ZNF804B: variants seen among roughly 807,000 people sequenced by gnomAD.
The protein encoded by ZNF804B is zinc finger protein 804B, also known as zinc finger 804B.
A neutral mutation model predicts 101.4 loss-of-function variants in ZNF804B; 80 were observed. That is an observed-to-expected ratio of 0.79 (90% confidence interval 0.66 to 0.95). ZNF804B has a LOEUF of 0.95. Among genes scored for constraint, ZNF804B ranks in the 40% least tolerant of loss-of-function variants. ZNF804B has a pLI of 0.00. For synonymous variants in ZNF804B, 622 were observed against 558.8 expected (o/e 1.11, Z -1.59); for missense variants, 1,673 against 1,561.9 (o/e 1.07, Z -1.20).
chr7:88,912,883 C>A (rs1332804459), intron 1 of ZNF804B, among the ~76,000 whole-genome samples: 1 of 151,888 alleles, frequency 6.6e-6, no homozygotes, highest in Non-Finnish European at 1.5e-5. Flanking sequence ...TTAAATAAAT[C>A]AAAAATTCTA....
chr7:89,336,693 T>A lies in ZNF804B; in HGVS notation c.3711T>A (p.Pro1237=). 1 of 1,614,092 alleles carries A rather than the reference T, an allele frequency of 6.2e-7. No individual in the cohort carries two copies. The highest frequency in any genetic ancestry group is 1.3e-5 in the African/African-American group (1 of 75,022). Residue 1237 remains proline (P), a synonymous_variant, in exon 4 of 4, where the codon CCT becomes CCA. Transcript: ENST00000333190. ...SSHLPIAHLH[P]LSQAHFSPIS... is the part of the protein sequence containing the mutation. ...ACCTCCCTATTGCTCATCTACATCC[T>A]CTTTCACAGGCACATTTCAGTCCTA...
Position 88,994,347 on chromosome 7 carries a change from C to T in ZNF804B, c.109-223808C>T, listed in dbSNP as rs561662471. On this transcript the variant is annotated intron_variant, in intron 1 of 3. Transcript: ENST00000333190. ...ATTTTTGCAAAAGCTCTTTTGTACT[C>T]ATTAAACATGCAAAGATGATGGATA... Among the ~76,000 whole-genome samples, 4 of 152,076 alleles carry T rather than the reference C, an allele frequency of 2.6e-5. No individual in the cohort carries two copies. The South Asian group carries it at 8.3e-4, about 32-fold the overall frequency.
chr7:89,235,124 C>G (rs1280565080), intron 2 of ZNF804B, among the ~76,000 whole-genome samples: 7 of 151,990 alleles, frequency 4.6e-5, no homozygotes, highest in Non-Finnish European at 1.0e-4. Context: ...TTTTTATTCT[C>G]TATGAGAGCA....
intron 1 of ZNF804B, among the ~76,000 whole-genome samples, chr7:88,994,987 A>C (rs918816184): frequency 1.3e-5 from 2 of 152,058 alleles, no homozygotes; most frequent in Non-Finnish European, 2.9e-5. Flanking sequence ...TCTGGGCTAG[A>C]TTGTTTGATT....
chr7:88,818,557 T>A (rs115689437), intron 1 of ZNF804B, among the ~76,000 whole-genome samples: 4,075 of 152,246 alleles, frequency 0.027, 158 homozygotes, highest in African/African-American at 0.08. Context: ...AAATATTTTG[T>A]ATCATGGGGA....
chr7:89,031,765 T>A (rs1241452553), intron 1 of ZNF804B, among the ~76,000 whole-genome samples: 1 of 151,978 alleles, frequency 6.6e-6, no homozygotes, highest in Non-Finnish European at 1.5e-5. Context: ...TGAGACACTC[T>A]CTTAAAATAG....
chr7:89,030,819 A>G (rs1345063699), intron 1 of ZNF804B, among the ~76,000 whole-genome samples: 2 of 152,110 alleles, frequency 1.3e-5, no homozygotes, highest in Non-Finnish European at 2.9e-5. Context: ...TTGACCCTCC[A>G]GTTTTAATGA....
intron 1 of ZNF804B, among the ~76,000 whole-genome samples, chr7:89,091,131 A>G (rs771458374): frequency 6.6e-5 from 10 of 152,258 alleles, no homozygotes; most frequent in South Asian, 4.1e-4. Context: ...TCATTGAATA[A>G]TATGAAAGAT....
chr7:88,816,489 A>G lies in ZNF804B; in HGVS notation c.108+56405A>G, dbSNP rs576984577. Among the ~76,000 whole-genome samples, 16 of 152,316 alleles carry G rather than the reference A, an allele frequency of 1.1e-4. No individual in the cohort carries two copies. In the South Asian group the frequency reaches 2.3e-3, roughly 22 times the overall value. ...CATTTTTGCAATCTACTCATCTGAC[A>G]AAAGGCTAATATCCAGAATCTACGA... On this transcript the variant is annotated intron_variant, in intron 1 of 3. Coordinates refer to ENST00000333190, the MANE Select transcript of ZNF804B (RefSeq NM_181646.5).
intron 2 of ZNF804B, among the ~76,000 whole-genome samples, chr7:89,220,162 C>CACACACATATATAT (rs1219530870): frequency 7.7e-6 from 1 of 129,338 alleles, no homozygotes; most frequent in African/African-American, 3.1e-5. Flanking sequence ...TATATATATA[C>CACACACATATATAT]GCACATATAT....
chr7:89,247,442 C>T (rs574555657), intron 2 of ZNF804B, among the ~76,000 whole-genome samples: 1 of 152,264 alleles, frequency 6.6e-6, no homozygotes, highest in Non-Finnish European at 1.5e-5. Context: ...TAGGTCCAAC[C>T]ACAGAGCCCA....
intron 1 of ZNF804B, among the ~76,000 whole-genome samples, chr7:89,011,310 G>A (rs755518276): frequency 2.6e-5 from 4 of 152,142 alleles, no homozygotes; most frequent in East Asian, 1.9e-4. Context: ...TGAGGTTTGG[G>A]TGGGGACACA....
chr7:88,878,546 G>A (rs940757309), intron 1 of ZNF804B, among the ~76,000 whole-genome samples: 6 of 152,130 alleles, frequency 3.9e-5, no homozygotes, highest in African/African-American at 1.2e-4. Flanking sequence ...GCTTAGAAGA[G>A]TGTCTGGCAT....
At chr7:88,817,812 T>A (rs2115751307) in intron 1 of ZNF804B, among the ~76,000 whole-genome samples, 1 of 152,326 alleles carries the variant, frequency 6.6e-6, no homozygotes, top group South Asian at 2.1e-4. Context: ...ATCCTGTATC[T>A]TACAATTTCC....
chr7:88,772,175 T>C (rs1487661775), intron 1 of ZNF804B, among the ~76,000 whole-genome samples: 1 of 152,178 alleles, frequency 6.6e-6, no homozygotes, highest in Non-Finnish European at 1.5e-5. Context: ...CTACATACTA[T>C]ACGTTTAGGA....
chr7:89,272,820 G>A (rs1287514879), intron 2 of ZNF804B, among the ~76,000 whole-genome samples: 1 of 151,996 alleles, frequency 6.6e-6, no homozygotes, highest in Non-Finnish European at 1.5e-5. Context: ...AACAAAACAA[G>A]CGTTTAATTA....
At chr7:89,227,144 C>G (rs1317826772) in intron 2 of ZNF804B, among the ~76,000 whole-genome samples, 1 of 152,046 alleles carries the variant, frequency 6.6e-6, no homozygotes, top group Non-Finnish European at 1.5e-5. Context: ...TCTTTATTTC[C>G]TGATTTTGGT....
At chr7:88,849,832 A>T (rs73200658) in intron 1 of ZNF804B, among the ~76,000 whole-genome samples, 17,060 of 151,886 alleles carry the variant, frequency 0.11, 932 homozygotes, top group Non-Finnish European at 0.12. Context: ...AGGTTATTTT[A>T]AAAAAATATT....
At chr7:88,817,116 G>A (rs1035915958) in intron 1 of ZNF804B, among the ~76,000 whole-genome samples, 10 of 152,174 alleles carry the variant, frequency 6.6e-5, no homozygotes, top group South Asian at 4.1e-4. Context: ...ATCATTCTCA[G>A]CAAACTATCT....
Sources: allele counts gnomAD v4.1 joint callset (sites outside exome capture counted in the v4.1 genomes callset), GRCh38; gene constraint gnomAD v4.1.1; transcripts MANE v1.5; gene names NCBI Gene and HGNC (gene_info 2026-07-23, HGNC 2026-07-21).